PPFIBP2: variants seen among roughly 807,000 people sequenced by gnomAD.
PPFIBP2 encodes liprin-beta-2.
Under a neutral mutation model 118.3 loss-of-function variants are expected in PPFIBP2, and 118 were observed. The ratio of observed to expected loss-of-function variants is 1.00; its 90% CI spans 0.86 to 1.16. The LOEUF is 1.16. PPFIBP2 is among the 50% of genes most tolerant of loss of function. The pLI is 0.00. For missense variants in PPFIBP2, 1,195 were observed against 1,073.1 expected, an observed-to-expected ratio of 1.11 and a Z score of -1.59; for synonymous variants, 414 against 397.4, an observed-to-expected ratio of 1.04 and a Z score of -0.50.
chr11:7,628,647 C>T (rs1850344211), intron 9 of PPFIBP2, among the ~76,000 whole-genome samples: 1 of 152,180 alleles, frequency 6.6e-6, no homozygotes, highest in Non-Finnish European at 1.5e-5. Context: ...ATAGCTCCTG[C>T]TGGAACTCCT....
rs564327609 is a variant in PPFIBP2, at chr11:7,625,918, C to T, written c.826+27C>T. On this transcript the variant is annotated intron_variant, in intron 8 of 23. Coordinates refer to ENST00000299492, the MANE Select transcript of PPFIBP2 (RefSeq NM_003621.5). ...TGACTAGCTTGACTCTGACAAAATG[C>T]AGTTGTCTGGGTCCCTGGGTCTACT... 2.5e-6 allele frequency: 4 copies of T among 1,581,406 alleles called. No individual in the cohort carries two copies. The African/African-American group carries it at 4.0e-5, about 16-fold the overall frequency.
At chr11:7,600,461 G>A (rs1236101964) in intron 5 of PPFIBP2, among the ~76,000 whole-genome samples, 3 of 152,234 alleles carry the variant, frequency 2.0e-5, no homozygotes, top group Non-Finnish European at 4.4e-5. Flanking sequence ...GCAAACACTT[G>A]CCTGATTTGA....
In PPFIBP2 at chr11:7,634,484, G is replaced by GT. The variant is rs938500480; in HGVS notation, c.1137-4dup. The stretch of plus-strand genomic sequence containing the variant: ...TCTCATAACTATTTCTTTCTTTTGT[G>GT]TTTTTTTCAGGGCTCAGAAAAAGCT... On this transcript the variant is annotated splice_polypyrimidine_tract_variant and intron_variant, in intron 12 of 23. Coordinates refer to ENST00000299492, the MANE Select transcript of PPFIBP2 (RefSeq NM_003621.5). The GT allele has an allele frequency of 4.4e-6, 7 of 1,602,414 alleles. No individual in the cohort carries two copies. The highest frequency in any genetic ancestry group is 6.0e-6 in the Non-Finnish European group (7 of 1,169,668).
At chr11:7,652,988 T>C (rs979371432) in intron 23 of PPFIBP2, 36 bp from the exon 24 acceptor site, 4 of 1,580,316 alleles carry the variant, frequency 2.5e-6, no homozygotes, top group Non-Finnish European at 3.4e-6. Context: ...ACTGCCTTGA[T>C]TGCCTTCTCA....
chr11:7,573,333 T>TA (rs1312438212), intron 3 of PPFIBP2, among the ~76,000 whole-genome samples: 1 of 152,244 alleles, frequency 6.6e-6, no homozygotes, highest in Non-Finnish European at 1.5e-5. Flanking sequence ...GCATATTTCT[T>TA]ACACTCATCA....
chr11:7,662,916 A>C, the PPFIBP2 span, among the ~76,000 whole-genome samples: 1 of 136,374 alleles, frequency 7.3e-6, no homozygotes, highest in African/African-American at 2.5e-5. Flanking sequence ...CATCACTGAT[A>C]CCCTTTCTTC....
chr11:7,635,210 C>T (rs1016560676), intron 13 of PPFIBP2, among the ~76,000 whole-genome samples: 2 of 152,160 alleles, frequency 1.3e-5, no homozygotes, highest in African/African-American at 2.4e-5. Flanking sequence ...CATACCATCC[C>T]TTGGTCTCCA....
intron 6 of PPFIBP2, among the ~76,000 whole-genome samples, chr11:7,615,675 A>C (rs887215861): frequency 6.6e-6 from 1 of 152,228 alleles, no homozygotes; most frequent in Non-Finnish European, 1.5e-5. Context: ...GTAGAAGACA[A>C]AACTAGGAAA....
intron 4 of PPFIBP2, among the ~76,000 whole-genome samples, chr11:7,595,582 T>G (rs893113081): frequency 6.6e-6 from 1 of 152,208 alleles, no homozygotes; most frequent in African/African-American, 2.4e-5. Context: ...TTGACCCTAG[T>G]AGTTTCTACT....
intron 5 of PPFIBP2, among the ~76,000 whole-genome samples, chr11:7,603,240 A>T (rs533507960): frequency 1.3e-5 from 2 of 152,336 alleles, no homozygotes; most frequent in African/African-American, 4.8e-5. Context: ...CTATGAGCTA[A>T]TGAGTTTCTT....
intron 1 of PPFIBP2, among the ~76,000 whole-genome samples, chr11:7,514,965 C>T (rs1260060347): frequency 1.3e-5 from 2 of 152,222 alleles, no homozygotes; most frequent in Non-Finnish European, 2.9e-5. Context: ...CCTTTCTCAA[C>T]CCCTCCTTAA....
chr11:7,664,889 G>T, the PPFIBP2 span, among the ~76,000 whole-genome samples: 1 of 140,396 alleles, frequency 7.1e-6, no homozygotes. Context: ...TTTGAAAGTT[G>T]AGAAGTTTCT....
intron 1 of PPFIBP2, among the ~76,000 whole-genome samples, chr11:7,545,418 A>T (rs1852222922): frequency 6.6e-6 from 1 of 152,264 alleles, no homozygotes; most frequent in Non-Finnish European, 1.5e-5. Context: ...TGACAGAGTG[A>T]GACCCTGTCT....
chr11:7,583,291 T>C (rs1400368269), intron 3 of PPFIBP2, among the ~76,000 whole-genome samples: 1 of 152,222 alleles, frequency 6.6e-6, no homozygotes, highest in African/African-American at 2.4e-5. Context: ...AGCTCCTTAC[T>C]TTGGCTCTTG....
intron 7 of PPFIBP2, among the ~76,000 whole-genome samples, chr11:7,625,048 C>G (rs955289057): frequency 6.6e-6 from 1 of 152,086 alleles, no homozygotes. Flanking sequence ...TACTTAATGG[C>G]GACATGGGAA....
chr11:7,654,416 A>T (rs77932576), downstream of PPFIBP2, among the ~76,000 whole-genome samples: 565 of 152,328 alleles, frequency 3.7e-3, 3 homozygotes, highest in African/African-American at 0.012. Flanking sequence ...GCAGAAGAGT[A>T]ACACCACGTC....
intron 6 of PPFIBP2, among the ~76,000 whole-genome samples, chr11:7,615,888 T>A (rs1288042525): frequency 3.3e-5 from 5 of 152,184 alleles, no homozygotes; most frequent in Non-Finnish European, 7.3e-5. Flanking sequence ...GATGGGGAAC[T>A]GTCGAATAGA....
downstream of PPFIBP2, among the ~76,000 whole-genome samples, chr11:7,660,317 C>T (rs1361566573): frequency 6.4e-4 from 75 of 116,388 alleles, 8 homozygotes; most frequent in Middle Eastern, 0.013. Context: ...TTTTGAAATA[C>T]GTCCCATCAA....
the PPFIBP2 span, among the ~76,000 whole-genome samples, chr11:7,663,786 TA>T: frequency 9.1e-3 from 1,382 of 152,300 alleles, 23 homozygotes; most frequent in African/African-American, 0.032. Flanking sequence ...ACTGCTGTGC[TA>T]GCAATCAGCG....
Sources: gnomAD v4.1 joint callset for allele counts (sites outside exome capture counted in the v4.1 genomes callset) on GRCh38, gnomAD v4.1.1 for gene constraint, MANE v1.5 for transcripts, NCBI Gene and HGNC (gene_info 2026-07-23, HGNC 2026-07-21) for gene names.